The following ZFP64 variants were observed in gnomAD, a reference collection of about 807,000 sequenced individuals.
ZFP64 encodes ZFP64 zinc finger protein.
ZFP64 carries 14 observed loss-of-function variants against 51.6 expected under a neutral mutation model. The ratio of observed to expected loss-of-function variants is 0.27; its 90% confidence interval spans 0.18 to 0.42. The LOEUF (loss-of-function observed/expected upper bound fraction) is 0.42, where lower values mean the gene tolerates loss of function less well. ZFP64 is among the 10% of genes least tolerant of loss of function. The pLI is 1.00. For synonymous variants in ZFP64, 375 were observed against 361.4 expected, an observed-to-expected ratio of 1.04 and a Z score of -0.43; for missense variants, 754 against 906.8, an observed-to-expected ratio of 0.83 and a Z score of 2.16.
chr20:52,158,148 C>T (rs1981477640), intron 5 of ZFP64, among the ~76,000 whole-genome samples: 1 of 152,182 alleles, frequency 6.6e-6, no homozygotes, highest in Non-Finnish European at 1.5e-5. Flanking sequence ...ATGTGTCTTA[C>T]ACTACTTTCA....
chr20:52,111,853 G>A (rs59675213), intron 5 of ZFP64, among the ~76,000 whole-genome samples: 4 of 151,942 alleles, frequency 2.6e-5, no homozygotes, highest in South Asian at 4.2e-4. Flanking sequence ...AGGCTGAGGC[G>A]GGTGGATCAC....
At position 52,183,177 on chromosome 20, in the gene ZFP64, A is replaced by G. The variant is rs529772718; in HGVS notation, c.286+3655T>C. Among the ~76,000 whole-genome samples the G allele has an allele frequency of 2.0e-3, 301 of 152,324 alleles. 2 individuals carry two copies. The highest frequency in any genetic ancestry group is 2.3e-3 in the Non-Finnish European group (155 of 68,032). On this transcript the variant is annotated intron_variant, in intron 2 of 5. Transcript: ENST00000216923. Reference sequence around the variant, plus strand: ...AGGGGATTGTCCCCAGGAAGAATGCAGACCCTTTTTTGTGAAGATTGTCAT... The same window carrying G: ...AGGGGATTGTCCCCAGGAAGAATGCGGACCCTTTTTTGTGAAGATTGTCAT...
At chr20:52,150,568 C>G (rs1007214736), downstream of ZFP64, among the ~76,000 whole-genome samples, 4 of 152,182 alleles carry the variant, frequency 2.6e-5, no homozygotes, top group Admixed American at 2.0e-4. Context: ...TAGTTAATAA[C>G]TCACTATTAT....
chr20:52,086,598 C>T (rs1229780345), intron 8 of ZFP64, among the ~76,000 whole-genome samples: 2 of 151,940 alleles, frequency 1.3e-5, no homozygotes, highest in African/African-American at 4.8e-5. Flanking sequence ...CTGCCTCAGC[C>T]TCCCGAGTAG....
chr20:52,159,774 G>A (rs761625066), intron 5 of ZFP64, among the ~76,000 whole-genome samples: 8 of 152,168 alleles, frequency 5.3e-5, no homozygotes, highest in Non-Finnish European at 1.2e-4. Flanking sequence ...ACCACTTGAG[G>A]TCAATAGTTC....
At position 52,153,419 on chromosome 20, in the gene ZFP64, G is replaced by A; in HGVS notation, c.773C>T (p.Pro258Leu). The change falls in exon 6 of 6, where the codon CCC (proline) becomes CTC (leucine). Residue 258 changes from proline to leucine, a missense_variant. Coordinates refer to ENST00000216923, the MANE Select transcript of ZFP64 (RefSeq NM_018197.3). The surrounding 1 kb of genome is among the most constrained non-coding windows in gnomAD (Gnocchi z 5.1). ...GGCGCTACAGAGCCAGCACTGGAAG[G>A]GGGCGTCCCCTGTCAACACAAGGTG... ...VHLRSHTGDAPFQCWLCSAKF... is the reference protein window; with the variant it reads ...VHLRSHTGDALFQCWLCSAKF... 1.2e-6 allele frequency: 2 copies of A among 1,613,338 alleles called. No homozygotes were observed. Among genetic ancestry groups the A allele is most frequent in the Non-Finnish European group, 1.7e-6 (2 of 1,179,472 alleles).
intron 3 of ZFP64, chr20:52,165,049 A>G (rs1982138330): frequency 1.8e-6 from 1 of 543,160 alleles, no homozygotes; most frequent in Non-Finnish European, 3.5e-6. Flanking sequence ...TGTCAAGCTT[A>G]TGAAAGATAA....
At chr20:52,181,067 C>T (rs56741721) in intron 2 of ZFP64, among the ~76,000 whole-genome samples, 11,962 of 152,130 alleles carry the variant, frequency 0.079, 536 homozygotes, top group Non-Finnish European at 0.1. Flanking sequence ...CTCAGCCTCC[C>T]GAGTACCTGG....
Position 52,191,660 on chromosome 20 carries a change from GC to G in ZFP64, c.-25del, listed in dbSNP as rs750368649. 1.9e-6 allele frequency: 3 copies of G among 1,575,332 alleles called. No individual in the cohort carries two copies. Among genetic ancestry groups the G allele is most frequent in the Non-Finnish European group, 2.6e-6 (3 of 1,164,562 alleles). ...ATGGCCGCAGACTGGGAGGTCCCCG[GC>G]CGGCCGGGATGCCAAAGTGGGGGAC... On this transcript the variant is annotated 5_prime_UTR_variant, in exon 1 of 6. Transcript: ENST00000216923. This position sits in a 1 kb window ranked among gnomAD's most constrained non-coding sequence, Gnocchi z 4.3.
Position 52,099,162 on chromosome 20 carries a change from G to A in ZFP64, c.764-575C>T, listed in dbSNP as rs537812488. 3.3e-5 allele frequency among the ~76,000 whole-genome samples: 5 copies of A among 152,072 alleles called. No individual in the cohort carries two copies. The South Asian group carries it at 1.0e-3, about 32-fold the overall frequency. On this transcript the variant is annotated intron_variant, in intron 5 of 8. Transcript: ENST00000361387. ...AAAAACATATGAGTACTTCTTAAAT[G>A]GCATGAAGACCTAGTTTTTTCTAAC...
At chr20:52,123,282 C>T (rs937118951) in intron 5 of ZFP64, among the ~76,000 whole-genome samples, 1 of 152,170 alleles carries the variant, frequency 6.6e-6, no homozygotes, top group African/African-American at 2.4e-5. Flanking sequence ...TGCTGGATTA[C>T]AGGCATGAGC....
At chr20:52,175,863 C>CG in intron 2 of ZFP64, 5 of 375,942 alleles carry the variant, frequency 1.3e-5, no homozygotes, top group Non-Finnish European at 1.8e-5. Context: ...CCCCCGCTGC[C>CG]GCCCCCGCCC....
chr20:52,113,250 C>T (rs1232927584), intron 5 of ZFP64, among the ~76,000 whole-genome samples: 1 of 151,572 alleles, frequency 6.6e-6, no homozygotes, highest in African/African-American at 2.4e-5. Context: ...AGGAGAATGA[C>T]GTGAACCCGG....
chr20:52,163,843 T>C (rs1982022744), intron 4 of ZFP64, among the ~76,000 whole-genome samples: 1 of 152,168 alleles, frequency 6.6e-6, no homozygotes, highest in African/African-American at 2.4e-5. Flanking sequence ...CTGGGAAACA[T>C]AAAAATAATA....
chr20:52,117,725 A>G (rs1221014567), intron 5 of ZFP64: 1 of 452,190 alleles, frequency 2.2e-6, no homozygotes, highest in East Asian at 7.0e-5. Flanking sequence ...GGGCCATAGA[A>G]TAGGTTTGCA....
chr20:52,151,195 T>A (rs1980772826), downstream of ZFP64: 1 of 982,670 alleles, frequency 1.0e-6, no homozygotes, highest in Non-Finnish European at 1.2e-6. Flanking sequence ...AAACCTTTGC[T>A]GCTTCAGTTT....
rs370947267 is a variant in ZFP64 at position 52,181,588 on chromosome 20, A to G, written c.286+5244T>C. Among the ~76,000 whole-genome samples the G allele has an allele frequency of 2.0e-4, 30 of 152,352 alleles. 1 individual carries two copies. The highest frequency in any genetic ancestry group is 1.1e-3 in the Admixed American group (17 of 15,302). ...AACGGTTTGGCTTAAGCAAGGACAA[A>G]CAAGTCTGGAAAATGTCCAGATGAG... On this transcript the variant is annotated intron_variant, in intron 2 of 5. Transcript: ENST00000216923.
chr20:52,136,827 C>T (rs191610848), intron 5 of ZFP64, among the ~76,000 whole-genome samples: 2 of 152,168 alleles, frequency 1.3e-5, no homozygotes, highest in East Asian at 3.9e-4. Flanking sequence ...AGTATAGTGG[C>T]GTGATCTCGG....
chr20:52,088,299 C>G, intron 8 of ZFP64: 1 of 1,538,716 alleles, frequency 6.5e-7, no homozygotes, highest in Non-Finnish European at 8.7e-7. Flanking sequence ...TCTACCACAC[C>G]AAGTCATTTA....
Sources: allele counts gnomAD v4.1 joint callset (sites outside exome capture counted in the v4.1 genomes callset), GRCh38; gene constraint gnomAD v4.1.1; non-coding constraint Gnocchi (gnomAD v3.1); transcripts MANE v1.5; gene names NCBI Gene and HGNC (gene_info 2026-07-23, HGNC 2026-07-21).